Variants in CREBRF observed in about 807,000 individuals in gnomAD.
CREBRF encodes the protein CREB3 regulatory factor, also known as UPF0474 protein C5orf41.
Under a neutral mutation model 66.1 loss-of-function variants are expected in CREBRF, and 5 were observed. That is an observed-to-expected ratio of 0.08 (90% confidence interval 0.04 to 0.16). The LOEUF is 0.16. Among genes scored for constraint, CREBRF ranks in the 10% least tolerant of loss-of-function variants. The pLI is 1.00. For missense variants in CREBRF, 531 were observed against 744.9 expected (o/e 0.71, Z 3.34); for synonymous variants, 229 against 264.4 (o/e 0.87, Z 1.30).
In CREBRF at chr5:173,138,011, TTAAAG is replaced by T. The variant is rs1466310397; in HGVS notation, c.*4271_*4275del. 2 of 152,168 alleles carry T rather than the reference TTAAAG, an allele frequency of 1.3e-5. No individual in the cohort carries two copies. Among genetic ancestry groups the T allele is most frequent in the Non-Finnish European group, 2.9e-5 (2 of 68,000 alleles). The allele number at this position is 152,168 out of a possible 1,614,324, so 9.4% of individuals were successfully genotyped here. A position where few individuals can be genotyped will look rare whatever the true frequency, so the allele number is the denominator to read the frequency against. On this transcript the variant is annotated 3_prime_UTR_variant, in exon 9 of 9. Transcript: ENST00000296953. ...AATGCATTGAATTATGCTTTCAGTG[TTAAAG>T]TAAAAGGTTTCAATTATCCTTCTAG...
intron 8 of CREBRF, chr5:173,123,545 A>T (rs190598810): frequency 8.7e-6 from 2 of 230,500 alleles, no homozygotes; most frequent in African/African-American, 4.8e-5. Context: ...TTACTCAGTA[A>T]TGCATTTCAC....
At chr5:173,120,106 T>C in intron 7 of CREBRF, among the ~76,000 whole-genome samples, 1 of 152,148 alleles carries the variant, frequency 6.6e-6, no homozygotes. Flanking sequence ...GGAATATTGG[T>C]CTATGATTTT....
chr5:173,100,951 G>T (rs1029916003), intron 4 of CREBRF, among the ~76,000 whole-genome samples: 1 of 152,126 alleles, frequency 6.6e-6, no homozygotes. Context: ...CTCTTGAGTA[G>T]CTGGAACTAC....
chr5:173,105,225 A>ATG (rs34768667), intron 4 of CREBRF, among the ~76,000 whole-genome samples: 3,925 of 146,590 alleles, frequency 0.027, 63 homozygotes, highest in African/African-American at 0.044. Flanking sequence ...GTGTGTATAT[A>ATG]TGTGTGTGTG....
chr5:173,115,275 T>C (rs1758962742), intron 7 of CREBRF, among the ~76,000 whole-genome samples: 1 of 151,958 alleles, frequency 6.6e-6, no homozygotes, highest in East Asian at 1.9e-4. Flanking sequence ...TCCTGGCTAA[T>C]TTTGTATTTT....
intron 7 of CREBRF, among the ~76,000 whole-genome samples, chr5:173,122,534 A>T (rs1172736757): frequency 1.4e-5 from 2 of 146,780 alleles, no homozygotes; most frequent in East Asian, 2.0e-4. Flanking sequence ...TGAGCATAGA[A>T]TTTTTTTTAT....
intron 1 of CREBRF, among the ~76,000 whole-genome samples, chr5:173,065,994 T>C (rs565985659): frequency 6.6e-6 from 1 of 151,992 alleles, no homozygotes; most frequent in South Asian, 2.1e-4. Flanking sequence ...TTATTTTTTA[T>C]TTTTTTTGAG....
chr5:173,075,830 C>T (rs1188394795), intron 1 of CREBRF, among the ~76,000 whole-genome samples: 2 of 151,930 alleles, frequency 1.3e-5, no homozygotes, highest in Non-Finnish European at 2.9e-5. Context: ...TCTTTCCTGC[C>T]CTCCTGCCTA....
chr5:173,117,672 TTC>T (rs1209741074), intron 7 of CREBRF, among the ~76,000 whole-genome samples: 12 of 124,436 alleles, frequency 9.6e-5, no homozygotes, highest in Non-Finnish European at 1.0e-4. Flanking sequence ...CTCTTTCTTT[TTC>T]TCTCTCTCTC....
At chr5:173,111,574 T>G (rs1758871038) in intron 6 of CREBRF, among the ~76,000 whole-genome samples, 1 of 152,224 alleles carries the variant, frequency 6.6e-6, no homozygotes, top group African/African-American at 2.4e-5. Flanking sequence ...TCATCCATAT[T>G]GTTGCCTGGA....
intron 3 of CREBRF, among the ~76,000 whole-genome samples, chr5:173,088,283 T>G (rs1758224782): frequency 1.2e-5 from 1 of 80,138 alleles, no homozygotes; most frequent in African/African-American, 5.0e-5. Flanking sequence ...TTTTTTTTTT[T>G]TGAGACAGAG....
intron 4 of CREBRF, among the ~76,000 whole-genome samples, chr5:173,098,503 A>T (rs907466606): frequency 6.6e-6 from 1 of 152,012 alleles, no homozygotes; most frequent in Non-Finnish European, 1.5e-5. Context: ...GTTAAGTAAG[A>T]CTTGTTTTGT....
In CREBRF at chr5:173,137,002, A is replaced by G. The variant is rs1164101515; in HGVS notation, c.*3257A>G. The G allele has an allele frequency of 6.6e-6, 1 of 151,288 alleles. No homozygotes were observed. Among genetic ancestry groups the G allele is most frequent in the African/African-American group, 2.4e-5 (1 of 41,252 alleles). 9.4% of individuals were successfully genotyped at this position (151,288 alleles called of 1,614,324 possible). A position where few individuals can be genotyped will look rare whatever the true frequency, so the allele number is the denominator to read the frequency against. ...CAAAAACCTTTTTTCCTAGTTTCAG[A>G]TACACTGGATTCTTTATAGAGTTTG... On this transcript the variant is annotated 3_prime_UTR_variant, in exon 9 of 9. Coordinates refer to ENST00000296953, the MANE Select transcript of CREBRF (RefSeq NM_153607.3).
chr5:173,104,303 A>T (rs1758697950), intron 4 of CREBRF, among the ~76,000 whole-genome samples: 1 of 152,140 alleles, frequency 6.6e-6, no homozygotes, highest in African/African-American at 2.4e-5. Context: ...TTTGAGAAAT[A>T]TTTAATGACC....
At chr5:173,116,144 A>G (rs2113782170) in intron 7 of CREBRF, among the ~76,000 whole-genome samples, 1 of 152,320 alleles carries the variant, frequency 6.6e-6, no homozygotes, top group Middle Eastern at 3.4e-3. Flanking sequence ...AAAACCTCAA[A>G]TCACCAAGGC....
intron 8 of CREBRF, among the ~76,000 whole-genome samples, chr5:173,131,978 C>CT (rs1759438644): frequency 6.6e-6 from 1 of 151,842 alleles, no homozygotes; most frequent in Non-Finnish European, 1.5e-5. Flanking sequence ...GCTCTGCCCA[C>CT]TTCGGCCTCC....
intron 7 of CREBRF, among the ~76,000 whole-genome samples, chr5:173,117,599 TTCCATCC>T (rs1759027625): frequency 2.4e-5 from 1 of 41,942 alleles, no homozygotes; most frequent in Non-Finnish European, 5.3e-5. Flanking sequence ...CCTTCCTTCC[TTCCATCC>T]CTCCCTCCCT....
rs1759653995 is a variant in CREBRF, at chr5:173,139,129, T to A, written c.*5384T>A. 1 of 152,216 alleles carries A rather than the reference T, an allele frequency of 6.6e-6. No individual in the cohort carries two copies. Among genetic ancestry groups the A allele is most frequent in the Non-Finnish European group, 1.5e-5 (1 of 68,046 alleles). The allele number at this position is 152,216 out of a possible 1,614,324, so 9.4% of individuals were successfully genotyped here. On this transcript the variant is annotated 3_prime_UTR_variant, in exon 9 of 9. Coordinates refer to ENST00000296953, the MANE Select transcript of CREBRF (RefSeq NM_153607.3). ...AATTATCCTATTAAATGTTGGTTAA[T>A]AGTTGTGCAGTTTTTCATTTCAGAT...
At position 173,134,272 on chromosome 5, in the gene CREBRF, A is replaced by C. The variant is rs1759538058; in HGVS notation, c.*527A>C. On this transcript the variant is annotated 3_prime_UTR_variant, in exon 9 of 9. Transcript: ENST00000296953. ...CTCAAGATGATATATATAAATATATATATATATATATATATATACACACAC... is the reference window on the plus strand; with the variant it reads ...CTCAAGATGATATATATAAATATATCTATATATATATATATATACACACAC... 1 of 143,120 alleles carries C rather than the reference A, an allele frequency of 7.0e-6. No homozygotes were observed. Among genetic ancestry groups the C allele is most frequent in the Non-Finnish European group, 1.4e-5 (1 of 69,808 alleles). The allele number at this position is 143,120 out of a possible 1,614,324, so 8.9% of individuals were successfully genotyped here.
Sources: gnomAD v4.1 joint callset for allele counts (sites outside exome capture counted in the v4.1 genomes callset) on GRCh38, gnomAD v4.1.1 for gene constraint, MANE v1.5 for transcripts, NCBI Gene and HGNC (gene_info 2026-07-23, HGNC 2026-07-21) for gene names.